Variants in CFAP61 observed in about 807,000 individuals in gnomAD.
The protein encoded by CFAP61 is cilia- and flagella-associated protein 61.
Under a neutral mutation model 135.6 loss-of-function variants are expected in CFAP61, and 107 were observed. The observed-to-expected ratio is 0.79, with a 90% CI of 0.67 to 0.93. The LOEUF is 0.93. Ranked by LOEUF, CFAP61 falls within the 40% of genes least tolerant of loss-of-function variation. The pLI, the probability that CFAP61 is intolerant of heterozygous loss-of-function variation, is 0.00. For missense variants in CFAP61, 1,507 were observed against 1,556.2 expected, an observed-to-expected ratio of 0.97 and a Z score of 0.53; for synonymous variants, 575 against 578.5, an observed-to-expected ratio of 0.99 and a Z score of 0.09.
chr20:20,245,054 C>T lies in CFAP61; in HGVS notation c.2061-1063C>T, dbSNP rs527367941. 3.9e-5 allele frequency among the ~76,000 whole-genome samples: 6 copies of T among 152,334 alleles called. No homozygotes were observed. The East Asian group carries it at 7.7e-4, about 20-fold the overall frequency. The stretch of plus-strand genomic sequence containing the variant: ...TCAGCCTGGACTTTATTGTCCATAT[C>T]GCTATCAGCATTTTGGCCAAAGCCA... On this transcript the variant is annotated intron_variant, in intron 18 of 26. Transcript: ENST00000245957.
chr20:20,248,816 G>A (rs2050663225), intron 19 of CFAP61, among the ~76,000 whole-genome samples: 1 of 152,152 alleles, frequency 6.6e-6, no homozygotes, highest in South Asian at 2.1e-4. Context: ...CCACAAGGTT[G>A]GGGGCACTAT....
chr20:20,130,651 A>T (rs145252658), intron 8 of CFAP61, among the ~76,000 whole-genome samples: 2 of 151,594 alleles, frequency 1.3e-5, no homozygotes, highest in African/African-American at 4.9e-5. Context: ...CCAGGTTTGC[A>T]TCAATTCTAG....
intron 8 of CFAP61, among the ~76,000 whole-genome samples, chr20:20,134,613 AT>A (rs2146728748): frequency 6.6e-6 from 1 of 152,328 alleles, no homozygotes; most frequent in African/African-American, 2.4e-5. Context: ...AACCAGAACA[AT>A]AACTATGGAT....
intron 6 of CFAP61, among the ~76,000 whole-genome samples, chr20:20,086,421 G>A (rs572540835): frequency 6.7e-6 from 1 of 148,420 alleles, no homozygotes; most frequent in African/African-American, 2.5e-5. Flanking sequence ...GCAGTGTTTG[G>A]TTTTTTTGTC....
chr20:20,063,786 ACTT>A (rs1342908167), intron 2 of CFAP61, among the ~76,000 whole-genome samples: 1 of 152,224 alleles, frequency 6.6e-6, no homozygotes, highest in Non-Finnish European at 1.5e-5. Context: ...TATATTCTCT[ACTT>A]AGCAAATGGA....
intron 12 of CFAP61, among the ~76,000 whole-genome samples, chr20:20,167,035 C>T (rs567675319): frequency 2.6e-5 from 4 of 152,172 alleles, no homozygotes; most frequent in Non-Finnish European, 5.9e-5. Flanking sequence ...AACTCTTACA[C>T]TTCTTTATTG....
At chr20:20,074,666 C>T (rs1244707025) in intron 4 of CFAP61, among the ~76,000 whole-genome samples, 1 of 152,130 alleles carries the variant, frequency 6.6e-6, no homozygotes, top group Non-Finnish European at 1.5e-5. Flanking sequence ...GTGTCGCAAG[C>T]TTGGACATTT....
chr20:20,123,971 G>GTTTTTT lies in CFAP61; in HGVS notation c.860-18869_860-18864dup, dbSNP rs35528584. On this transcript the variant is annotated intron_variant, in intron 8 of 26. Coordinates refer to ENST00000245957, the MANE Select transcript of CFAP61 (RefSeq NM_015585.4). ...CCTTCTTGGTTATGTATATTCCTAAGTTTTTTTTTTTTTTTTTTTTTTGCA... is the reference window on the plus strand; with the variant it reads ...CCTTCTTGGTTATGTATATTCCTAAGTTTTTTTTTTTTTTTTTTTTTTTTTTTTGCA... Among the ~76,000 whole-genome samples the GTTTTTT allele has an allele frequency of 1.2e-3, 80 of 65,254 alleles. 1 individual carries two copies. Among genetic ancestry groups the GTTTTTT allele is most frequent in the Non-Finnish European group, 1.6e-3 (57 of 35,048 alleles). 42.8% of individuals were successfully genotyped at this position (65,254 alleles called of 152,430 possible).
Position 20,089,501 on chromosome 20 carries a change from G to A in CFAP61, c.567-1343G>A, listed in dbSNP as rs562246589. ...AGATGGTAGCATAGTAAAGCTAGGG[G>A]GAGGAAATAGACATTAGTAGCCAAA... On this transcript the variant is annotated intron_variant, in intron 6 of 26. Coordinates refer to ENST00000245957, the MANE Select transcript of CFAP61 (RefSeq NM_015585.4). Among the ~76,000 whole-genome samples the A allele has an allele frequency of 2.6e-5, 4 of 151,748 alleles. No individual in the cohort carries two copies. In the East Asian group the frequency reaches 5.8e-4, roughly 22 times the overall value.
chr20:20,218,154 C>A (rs1268591036), intron 17 of CFAP61, among the ~76,000 whole-genome samples: 1 of 152,148 alleles, frequency 6.6e-6, no homozygotes, highest in African/African-American at 2.4e-5. Context: ...GTGTCCCCAC[C>A]CAAATCTCAA....
At chr20:20,272,791 CCTTT>C (rs2053459773) in intron 21 of CFAP61, among the ~76,000 whole-genome samples, 2 of 151,942 alleles carry the variant, frequency 1.3e-5, no homozygotes, top group African/African-American at 4.8e-5. Flanking sequence ...TCTCTGCCCC[CCTTT>C]CTTTCTCTCT....
chr20:20,110,913 T>C (rs960460947), intron 8 of CFAP61, among the ~76,000 whole-genome samples: 12 of 152,244 alleles, frequency 7.9e-5, no homozygotes, highest in African/African-American at 2.9e-4. Context: ...GTCTCAAGGT[T>C]CCGGGCAGTC....
intron 21 of CFAP61, chr20:20,267,430 ATGGCCTTTCCATCTG>A (rs1376652599): frequency 6.6e-6 from 1 of 152,408 alleles, no homozygotes; most frequent in African/African-American, 2.4e-5. Context: ...CTTTGGGAAA[ATGGCCTTTCCATCTG>A]TAGTACCCAT....
intron 9 of CFAP61, among the ~76,000 whole-genome samples, chr20:20,146,061 A>G (rs1160404069): frequency 6.6e-6 from 1 of 152,156 alleles, no homozygotes; most frequent in Non-Finnish European, 1.5e-5. Context: ...ATCAAATGTG[A>G]CACACTGTGA....
intron 18 of CFAP61, among the ~76,000 whole-genome samples, chr20:20,233,378 C>A (rs1210457859): frequency 6.6e-6 from 1 of 152,244 alleles, no homozygotes; most frequent in African/African-American, 2.4e-5. Context: ...GTGCGCCTCG[C>A]AATTGCCCTG....
In CFAP61 at chr20:20,298,197, C is replaced by A. The variant is rs867915547; in HGVS notation, c.3233C>A (p.Thr1078Asn). Residue 1078 changes from threonine (T) to asparagine (N), a missense_variant, in exon 25 of 27, where the codon ACC (threonine) becomes AAC (asparagine). Physicochemically the swap from Thr to Asn is moderately conservative, Grantham distance 65 (BLOSUM62 0). Transcript: ENST00000245957. Reference protein sequence around the residue: ...AQPNYGLELVTGSAKNGTYFR... With the variant: ...AQPNYGLELVNGSAKNGTYFR... ...CTCCTCCAGGGTTTAGAACTAGTAA[C>A]CGGCAGTGCGAAAAATGGGACTTAC... The A allele has an allele frequency of 1.2e-6, 2 of 1,613,298 alleles. No individual in the cohort carries two copies. Among genetic ancestry groups the A allele is most frequent in the African/African-American group, 2.7e-5 (2 of 74,998 alleles).
chr20:20,243,885 G>A (rs1430170295), intron 18 of CFAP61, among the ~76,000 whole-genome samples: 2 of 152,082 alleles, frequency 1.3e-5, no homozygotes, highest in Non-Finnish European at 2.9e-5. Context: ...ACAGGCATTG[G>A]GTAAATACAG....
At chr20:20,160,763 CTG>C (rs1403659007) in intron 10 of CFAP61, among the ~76,000 whole-genome samples, 1 of 152,224 alleles carries the variant, frequency 6.6e-6, no homozygotes, top group African/African-American at 2.4e-5. Context: ...CCTGAGCACT[CTG>C]TGAAGACAAG....
chr20:20,262,819 C>G, intron 20 of CFAP61, 137 bp from the exon 21 acceptor site: 6 of 323,150 alleles, frequency 1.9e-5, no homozygotes, highest in East Asian at 4.4e-5. Context: ...TTTTTTTTTT[C>G]AATTAAAATC....
Sources: allele counts gnomAD v4.1 joint callset (sites outside exome capture counted in the v4.1 genomes callset), GRCh38; gene constraint gnomAD v4.1.1; transcripts MANE v1.5; gene names NCBI Gene and HGNC (gene_info 2026-07-23, HGNC 2026-07-21).